CYLD: variants seen among roughly 807,000 people sequenced by gnomAD.
CYLD encodes the protein ubiquitin carboxyl-terminal hydrolase CYLD.
A neutral mutation model predicts 104.5 loss-of-function variants in CYLD; 26 were observed. The ratio of observed to expected loss-of-function variants is 0.25; its 90% CI spans 0.18 to 0.35. The LOEUF is 0.35. CYLD is among the 10% of genes least tolerant of loss of function. The probability of loss-of-function intolerance (pLI) is 1.00; values close to 1 mark genes in which losing one functional copy is unlikely to be tolerated. For synonymous variants in CYLD, 385 were observed against 399.9 expected (o/e 0.96, Z 0.45); for missense variants, 703 against 1,136.1 (o/e 0.62, Z 5.48).
chr16:50,756,970 A>G (rs571029095), intron 5 of CYLD, among the ~76,000 whole-genome samples: 69 of 152,334 alleles, frequency 4.5e-4, no homozygotes, highest in Non-Finnish European at 7.9e-4. Flanking sequence ...GAAGACCTGC[A>G]TAGAAAACCA....
At chr16:50,761,459 C>T (rs1046975118) in intron 5 of CYLD, among the ~76,000 whole-genome samples, 1 of 152,288 alleles carries the variant, frequency 6.6e-6, no homozygotes, top group East Asian at 1.9e-4. Context: ...GTTCCTCTTT[C>T]CCTCCAGCCT....
chr16:50,748,029 A>G (rs1966336095), intron 2 of CYLD, among the ~76,000 whole-genome samples: 1 of 152,238 alleles, frequency 6.6e-6, no homozygotes, highest in African/African-American at 2.4e-5. Context: ...TAGATTTGCC[A>G]GGTTGTTTGA....
At chr16:50,754,939 A>G (rs1455645785) in intron 5 of CYLD, among the ~76,000 whole-genome samples, 2 of 147,774 alleles carry the variant, frequency 1.4e-5, no homozygotes, top group Admixed American at 1.4e-4. Context: ...ACACATATGT[A>G]TATATACACA....
At chr16:50,788,437 A>C (rs1372484721) in intron 14 of CYLD, among the ~76,000 whole-genome samples, 1 of 152,186 alleles carries the variant, frequency 6.6e-6, no homozygotes, top group Non-Finnish European at 1.5e-5. Flanking sequence ...TTCTCTGTTG[A>C]GAATCTTAGT....
At position 50,797,394 on chromosome 16, in the gene CYLD, A is replaced by T. The variant is rs1972144052; in HGVS notation, c.*886A>T. On this transcript the variant is annotated 3_prime_UTR_variant, in exon 19 of 19. Coordinates refer to ENST00000427738, the MANE Select transcript of CYLD (RefSeq NM_001378743.1). ...GAATTATTACAATTTCCTGGGAGAG[A>T]TGGATATTTAAACCTCTATTATTTT... 1 of 232,244 alleles carries T rather than the reference A, an allele frequency of 4.3e-6. No homozygotes were observed. Among genetic ancestry groups the T allele is most frequent in the Admixed American group, 5.6e-5 (1 of 17,746 alleles). The allele number at this position is 232,244 out of a possible 1,614,324, so 14.4% of individuals were successfully genotyped here. A position where few individuals can be genotyped will look rare whatever the true frequency, so the allele number is the denominator to read the frequency against.
In CYLD at chr16:50,789,830, A is replaced by T. The variant is rs115977323; in HGVS notation, c.2109-1728A>T. Among the ~76,000 whole-genome samples the T allele has an allele frequency of 5.1e-3, 771 of 152,320 alleles. 18 individuals are homozygous for T. Among genetic ancestry groups the T allele is most frequent in the African/African-American group, 0.018 (728 of 41,576 alleles). On this transcript the variant is annotated intron_variant, in intron 14 of 18. Transcript: ENST00000427738. ...GAACTAGATGACAATGAAAGGTAAA[A>T]CAGATTTGATAAACAGAATCAAATA...
chr16:50,750,629 C>T (rs1226714984), intron 3 of CYLD, among the ~76,000 whole-genome samples: 1 of 152,030 alleles, frequency 6.6e-6, no homozygotes, highest in Non-Finnish European at 1.5e-5. Context: ...GATGTCGAAA[C>T]TTAAAAAACT....
rs1249521517 is a variant in CYLD, at chr16:50,754,352, G to A, written c.841G>A (p.Asp281Asn). 1 of 1,613,450 alleles carries A rather than the reference G, an allele frequency of 6.2e-7. No homozygotes were observed. The highest frequency in any genetic ancestry group is 8.5e-7 in the Non-Finnish European group (1 of 1,179,568). The part of the protein sequence containing the change: ...NPIGNWDGRF[D>N]GVQLCSFACV... ...TATTGGCAACTGGGATGGAAGATTT[G>A]ATGGAGTGCAGCTTTGTAGTTTTGC... is the stretch of plus-strand genomic sequence containing the variant. The change falls in exon 5 of 19, where the codon GAT becomes AAT. Residue 281 changes from aspartate to asparagine, a missense_variant. Asp to Asn is a conservative substitution (Grantham distance 23). Coordinates refer to ENST00000427738, the MANE Select transcript of CYLD (RefSeq NM_001378743.1).
At chr16:50,759,660 C>G (rs905571753) in intron 5 of CYLD, among the ~76,000 whole-genome samples, 4 of 152,212 alleles carry the variant, frequency 2.6e-5, no homozygotes, top group Non-Finnish European at 4.4e-5. Flanking sequence ...CGTCATGTGA[C>G]TATCCCACAG....
chr16:50,749,548 G>T, intron 2 of CYLD, 28 bp from the exon 3 acceptor site: 1 of 730,940 alleles, frequency 1.4e-6, no homozygotes, highest in South Asian at 1.9e-5. Context: ...TTTTTCACTA[G>T]GCATTTTGAT....
intron 5 of CYLD, among the ~76,000 whole-genome samples, chr16:50,757,052 A>G (rs1166029533): frequency 6.6e-6 from 1 of 152,174 alleles, no homozygotes; most frequent in Non-Finnish European, 1.5e-5. Context: ...TAATTCTATA[A>G]AAGCTGAATT....
At chr16:50,782,198 A>C in intron 10 of CYLD, 127 bp from the exon 11 acceptor site, 1 of 728,646 alleles carries the variant, frequency 1.4e-6, no homozygotes, top group Non-Finnish European at 2.2e-6. Flanking sequence ...CCTACTTTCC[A>C]CTTAAAGAAA....
In CYLD at chr16:50,798,317, T is replaced by A. The variant is rs561954943; in HGVS notation, c.*1809T>A. The stretch of plus-strand genomic sequence containing the variant: ...TGCAAATGGAAAATACGATTTTTTT[T>A]AAAAAAAGGATGGTTACATCCGTAT... On this transcript the variant is annotated 3_prime_UTR_variant, in exon 19 of 19. Coordinates refer to ENST00000427738, the MANE Select transcript of CYLD (RefSeq NM_001378743.1). 6.9e-5 allele frequency: 16 copies of A among 231,470 alleles called. 1 individual carries two copies. Among genetic ancestry groups the A allele is most frequent in the Admixed American group, 5.1e-4 (9 of 17,734 alleles). The allele number at this position is 231,470 out of a possible 1,614,324, so 14.3% of individuals were successfully genotyped here.
Position 50,801,050 on chromosome 16 carries a change from G to A in CYLD, c.*4542G>A. 4.3e-6 allele frequency: 1 copy of A among 233,530 alleles called. No homozygotes were observed. The highest frequency in any genetic ancestry group is 2.2e-5 in the African/African-American group (1 of 45,464). The allele number at this position is 233,530 out of a possible 1,614,324, so 14.5% of individuals were successfully genotyped here. ...GACAGAGACTAGGGTTTTAGACTGA[G>A]GCTTCCTGCAGGGTGTTCGCATTGC... On this transcript the variant is annotated 3_prime_UTR_variant, in exon 19 of 19. Transcript: ENST00000427738.
chr16:50,742,651 G>C (rs546858486), intron 1 of CYLD, 111 bp from the exon 2 acceptor site: 4,583 of 390,208 alleles, frequency 0.012, 40 homozygotes, highest in Non-Finnish European at 0.015. Context: ...CCTACCGACC[G>C]CGCCGCGGGG....
At chr16:50,760,104 C>T (rs944083508) in intron 5 of CYLD, among the ~76,000 whole-genome samples, 7 of 152,126 alleles carry the variant, frequency 4.6e-5, no homozygotes, top group African/African-American at 9.7e-5. Context: ...CGTACTTATC[C>T]GTCACGTTTT....
intron 8 of CYLD, chr16:50,778,378 A>G: frequency 6.1e-6 from 1 of 163,382 alleles, no homozygotes; most frequent in Non-Finnish European, 1.3e-5. Context: ...GTGAGAAAAA[A>G]TAGACATGGT....
chr16:50,784,681 A>G, intron 12 of CYLD: 1 of 457,060 alleles, frequency 2.2e-6, no homozygotes, highest in East Asian at 4.4e-5. Context: ...AAATGATTTA[A>G]CCTATTTTGC....
chr16:50,786,976 A>G (rs768916099), intron 13 of CYLD, 30 bp downstream of exon 13: 2 of 1,510,872 alleles, frequency 1.3e-6, no homozygotes, highest in South Asian at 2.2e-5. Flanking sequence ...TGCGTTAAAA[A>G]TAACTGAAGA....
Sources: allele counts gnomAD v4.1 joint callset (sites outside exome capture counted in the v4.1 genomes callset), GRCh38; gene constraint gnomAD v4.1.1; transcripts MANE v1.5; gene names NCBI Gene and HGNC (gene_info 2026-07-23, HGNC 2026-07-21).